The following TNR variants were observed in gnomAD, a reference collection of about 807,000 sequenced individuals.
TNR encodes the protein tenascin R, also known as tenascin-R.
A neutral mutation model predicts 150.4 loss-of-function variants in TNR; 45 were observed. The ratio of observed to expected loss-of-function variants is 0.30; its 90% CI spans 0.24 to 0.38. The LOEUF (loss-of-function observed/expected upper bound fraction) is 0.38. TNR is among the 10% of genes least tolerant of loss of function. The probability of loss-of-function intolerance (pLI) is 1.00; values close to 1 mark genes in which losing one functional copy is unlikely to be tolerated. For synonymous variants in TNR, 687 were observed against 678.4 expected, an observed-to-expected ratio of 1.01 and a Z score of -0.20; for missense variants, 1,544 against 1,759.1, an observed-to-expected ratio of 0.88 and a Z score of 2.19.
intron 2 of TNR, among the ~76,000 whole-genome samples, chr1:175,435,903 GT>G (rs1316495566): frequency 1.3e-5 from 2 of 152,138 alleles, no homozygotes; most frequent in Non-Finnish European, 2.9e-5. Context: ...ATGAAGCTTA[GT>G]TTGGCTGGAT....
chr1:175,400,028 G>A (rs533532801), intron 4 of TNR, among the ~76,000 whole-genome samples: 2 of 152,320 alleles, frequency 1.3e-5, no homozygotes, highest in African/African-American at 4.8e-5. Context: ...ATTGTCTCAA[G>A]ACCCTGTTCT....
chr1:175,546,780 T>G (rs186476610), intron 1 of TNR, among the ~76,000 whole-genome samples: 220 of 152,242 alleles, frequency 1.4e-3, no homozygotes, highest in Non-Finnish European at 2.4e-3. Context: ...AAGACTTCTT[T>G]CCATTGTAAA....
At chr1:175,378,704 C>G (rs563560476) in intron 9 of TNR, among the ~76,000 whole-genome samples, 1 of 152,168 alleles carries the variant, frequency 6.6e-6, no homozygotes, top group Non-Finnish European at 1.5e-5. Flanking sequence ...AAGAAGCAGA[C>G]TTGTGGGCCT....
At chr1:175,497,330 A>G (rs1226745053) in intron 2 of TNR, among the ~76,000 whole-genome samples, 1 of 152,170 alleles carries the variant, frequency 6.6e-6, no homozygotes, top group Admixed American at 6.5e-5. Flanking sequence ...ACCGTCAATT[A>G]CAGCAAATGT....
chr1:175,453,104 A>G (rs1286331395), intron 2 of TNR, among the ~76,000 whole-genome samples: 2 of 152,192 alleles, frequency 1.3e-5, no homozygotes, highest in African/African-American at 2.4e-5. Context: ...TTAAAATGGT[A>G]TCTATTTTTA....
At chr1:175,723,906 C>T (rs1275064538) in intron 1 of TNR, among the ~76,000 whole-genome samples, 1 of 151,788 alleles carries the variant, frequency 6.6e-6, no homozygotes, top group Non-Finnish European at 1.5e-5. Flanking sequence ...TTTCTTGGCT[C>T]CTAACAGGAA....
chr1:175,427,911 TTC>T (rs1655087340), intron 2 of TNR, among the ~76,000 whole-genome samples: 1 of 147,590 alleles, frequency 6.8e-6, no homozygotes, highest in African/African-American at 2.5e-5. Context: ...CCTTCCTTCC[TTC>T]CTTCCTTCCT....
chr1:175,563,550 T>C (rs538558656), intron 1 of TNR, among the ~76,000 whole-genome samples: 1 of 152,302 alleles, frequency 6.6e-6, no homozygotes, highest in Admixed American at 6.5e-5. Flanking sequence ...CTCCTCAATG[T>C]CCACTTTGAC....
intron 1 of TNR, among the ~76,000 whole-genome samples, chr1:175,689,511 G>T (rs1243209880): frequency 1.3e-5 from 2 of 152,120 alleles, no homozygotes; most frequent in Non-Finnish European, 2.9e-5. Context: ...GCTATGGCTG[G>T]CCAGGCTGCC....
At chr1:175,401,795 A>G (rs1653713765) in intron 4 of TNR, among the ~76,000 whole-genome samples, 1 of 152,196 alleles carries the variant, frequency 6.6e-6, no homozygotes, top group Non-Finnish European at 1.5e-5. Context: ...ACTTATCAGC[A>G]AATTCCTAAA....
Position 175,645,026 on chromosome 1 carries a change from C to G in TNR, c.-165+98200G>C, listed in dbSNP as rs572538228. ...GTCAATGATGAAATGAACAAATTAG[C>G]AAGTATTTATTGAGTGCTAACTGGG... On this transcript the variant is annotated intron_variant, in intron 1 of 22. Transcript: ENST00000367674. Among the ~76,000 whole-genome samples, 6 of 152,228 alleles carry G rather than the reference C, an allele frequency of 3.9e-5. No individual in the cohort carries two copies. In the South Asian group the frequency reaches 1.0e-3, roughly 26 times the overall value.
intron 20 of TNR, chr1:175,330,663 C>A: frequency 6.5e-6 from 1 of 153,724 alleles, no homozygotes; most frequent in Non-Finnish European, 1.5e-5. Context: ...GAGTTCAGAG[C>A]ATCTGGAACA....
chr1:175,405,922 A>G (rs545449965), intron 3 of TNR, among the ~76,000 whole-genome samples: 33 of 152,164 alleles, frequency 2.2e-4, no homozygotes, highest in Non-Finnish European at 4.6e-4. Flanking sequence ...CCGATGAACC[A>G]TTACCTGACT....
At chr1:175,634,101 C>A (rs1230236985) in intron 1 of TNR, among the ~76,000 whole-genome samples, 2 of 152,124 alleles carry the variant, frequency 1.3e-5, no homozygotes, top group African/African-American at 2.4e-5. Flanking sequence ...CAATGAATGG[C>A]CCCTGGGACA....
chr1:175,402,538 G>GC (rs1653762623), intron 4 of TNR, among the ~76,000 whole-genome samples: 1 of 152,122 alleles, frequency 6.6e-6, no homozygotes, highest in East Asian at 1.9e-4. Flanking sequence ...GTTAGCTGTT[G>GC]CCCAATGTCC....
At chr1:175,629,239 T>A (rs1038700244) in intron 1 of TNR, among the ~76,000 whole-genome samples, 2 of 152,124 alleles carry the variant, frequency 1.3e-5, no homozygotes, top group African/African-American at 4.8e-5. Flanking sequence ...GTTTCTATCA[T>A]AGGACCCCAG....
intron 6 of TNR, among the ~76,000 whole-genome samples, chr1:175,392,173 T>C (rs1464402297): frequency 7.8e-6 from 1 of 129,032 alleles, no homozygotes; most frequent in Non-Finnish European, 1.7e-5. Flanking sequence ...CTAGGATTTA[T>C]TATCTATCTT....
intron 1 of TNR, among the ~76,000 whole-genome samples, chr1:175,545,449 A>G (rs1462886709): frequency 1.3e-5 from 2 of 152,224 alleles, no homozygotes; most frequent in African/African-American, 2.4e-5. Context: ...ATAGAGCATG[A>G]ATAAAACTAT....
intron 1 of TNR, among the ~76,000 whole-genome samples, chr1:175,563,714 T>G (rs773323277): frequency 3.9e-5 from 6 of 152,214 alleles, no homozygotes; most frequent in Non-Finnish European, 7.3e-5. Flanking sequence ...AGACTTCTGC[T>G]GGGAAAACGC....
Sources: allele counts gnomAD v4.1 joint callset (sites outside exome capture counted in the v4.1 genomes callset), GRCh38; gene constraint gnomAD v4.1.1; transcripts MANE v1.5; gene names NCBI Gene and HGNC (gene_info 2026-07-23, HGNC 2026-07-21).